VSTM2B: variants seen among roughly 807,000 people sequenced by gnomAD.
VSTM2B encodes V-set and transmembrane domain-containing protein 2B.
Under a neutral mutation model 24.0 loss-of-function variants are expected in VSTM2B, and 24 were observed. The observed-to-expected ratio is 1.00, with a 90% CI of 0.72 to 1.40. The LOEUF is 1.40. Ranked by LOEUF, VSTM2B falls within the 40% of genes most tolerant of loss-of-function variation. VSTM2B has a pLI of 0.00. For missense variants in VSTM2B, 399 were observed against 416.4 expected (o/e 0.96, Z 0.36); for synonymous variants, 226 against 194.4 (o/e 1.16, Z -1.35).
chr19:29,526,620 C>T lies in VSTM2B; in HGVS notation c.37C>T (p.Leu13=). ...QRNRLGALGY[L]PPLLLHALLL... ...GAACCGGCTCGGTGCCCTCGGATAC[C>T]TGCCGCCTCTGCTGCTGCATGCCCT... The change falls in exon 1 of 5, where the codon CTG becomes TTG. Residue 13 remains leucine, a synonymous_variant. Transcript: ENST00000335523. The surrounding 1 kb of genome is among the most constrained non-coding windows in gnomAD (Gnocchi z 4.1). 2 of 1,530,710 alleles carry T rather than the reference C, an allele frequency of 1.3e-6. No individual in the cohort carries two copies. Among genetic ancestry groups the T allele is most frequent in the African/African-American group, 1.4e-5 (1 of 72,428 alleles). The allele number at this position is 1,530,710 out of a possible 1,614,324, so 94.8% of individuals were successfully genotyped here. A position where few individuals can be genotyped will look rare whatever the true frequency, so the allele number is the denominator to read the frequency against.
intron 4 of VSTM2B, among the ~76,000 whole-genome samples, chr19:29,533,866 G>T (rs7250772): frequency 6.6e-6 from 1 of 152,062 alleles, no homozygotes; most frequent in Admixed American, 6.5e-5. Context: ...TGCTTTGCTC[G>T]GAACCACAGC....
At chr19:29,539,194 C>G (rs1969968485) in intron 4 of VSTM2B, among the ~76,000 whole-genome samples, 2 of 152,158 alleles carry the variant, frequency 1.3e-5, no homozygotes, top group Non-Finnish European at 2.9e-5. Context: ...GCAAATTAAA[C>G]CCCCAGGTTT....
At position 29,530,001 on chromosome 19, in the gene VSTM2B, C is replaced by A; in HGVS notation, c.480C>A (p.Ala160=). ...TCGCGCCGCCCAACATGCAGGCCGC[C>A]GAGGCCGTGTCCCACATCCAGAGCA... ...SRFAPPNMQA[A]EAVSHIQSSG... Residue 160 remains alanine (A), a synonymous_variant, in exon 4 of 5, where the codon GCC becomes GCA. Coordinates refer to ENST00000335523, the MANE Select transcript of VSTM2B (RefSeq NM_001146339.2). 1.3e-6 allele frequency: 2 copies of A among 1,541,174 alleles called. No individual in the cohort carries two copies. Among genetic ancestry groups the A allele is most frequent in the Non-Finnish European group, 1.7e-6 (2 of 1,146,234 alleles).
Position 29,526,448 on chromosome 19 carries a change from G to A in VSTM2B, c.-136G>A. 2.8e-6 allele frequency: 1 copy of A among 362,540 alleles called. No homozygotes were observed. The highest frequency in any genetic ancestry group is 4.4e-6 in the Non-Finnish European group (1 of 226,544). The allele number at this position is 362,540 out of a possible 1,614,324, so 22.5% of individuals were successfully genotyped here. A position where few individuals can be genotyped will look rare whatever the true frequency, so the allele number is the denominator to read the frequency against. ...GCGGGGCTGATTGGCGGCCGCCGGC[G>A]GCCAGGGGAGGGGGCGCCGCGCGGG... On this transcript the variant is annotated 5_prime_UTR_variant, in exon 1 of 5. Transcript: ENST00000335523. The surrounding 1 kb of genome is among the most constrained non-coding windows in gnomAD (Gnocchi z 4.1).
At chr19:29,558,428 C>CT (rs1970459246) in intron 4 of VSTM2B, among the ~76,000 whole-genome samples, 1 of 152,166 alleles carries the variant, frequency 6.6e-6, no homozygotes, top group South Asian at 2.1e-4. Flanking sequence ...CACTGCAGCA[C>CT]TATTCACAAT....
chr19:29,536,574 AC>A (rs1969895753), intron 4 of VSTM2B, among the ~76,000 whole-genome samples: 1 of 152,214 alleles, frequency 6.6e-6, no homozygotes, highest in Non-Finnish European at 1.5e-5. Flanking sequence ...CTGAGCACTT[AC>A]TGTGTGCCAC....
At chr19:29,533,634 A>G (rs1969814147) in intron 4 of VSTM2B, among the ~76,000 whole-genome samples, 1 of 152,218 alleles carries the variant, frequency 6.6e-6, no homozygotes, top group African/African-American at 2.4e-5. Flanking sequence ...ACATCCGAAC[A>G]GCCTTGATGC....
At chr19:29,536,678 G>A (rs1277110581) in intron 4 of VSTM2B, among the ~76,000 whole-genome samples, 1 of 152,076 alleles carries the variant, frequency 6.6e-6, no homozygotes, top group Non-Finnish European at 1.5e-5. Flanking sequence ...CTCTCTCTGT[G>A]CTTATAGCCA....
intron 4 of VSTM2B, among the ~76,000 whole-genome samples, chr19:29,553,735 T>C (rs1467697787): frequency 6.6e-6 from 1 of 152,164 alleles, no homozygotes; most frequent in Non-Finnish European, 1.5e-5. Flanking sequence ...CGAAATGACC[T>C]GATGGAGCTG....
chr19:29,539,927 C>A lies in VSTM2B; in HGVS notation c.769+9637C>A, dbSNP rs138002752. On this transcript the variant is annotated intron_variant, in intron 4 of 4. Transcript: ENST00000335523. ...TGCAGACTCCTGCTGGAGGCCCACC[C>A]ACCTGTAATCGTATAGCTCTAGAGA... Among the ~76,000 whole-genome samples the A allele has an allele frequency of 3.8e-4, 58 of 152,354 alleles. No individual in the cohort carries two copies. In the East Asian group the frequency reaches 8.9e-3, roughly 23 times the overall value.
intron 4 of VSTM2B, among the ~76,000 whole-genome samples, chr19:29,541,106 A>C (rs948410600): frequency 2.0e-5 from 3 of 152,214 alleles, no homozygotes; most frequent in African/African-American, 7.2e-5. Context: ...AGGGGAAATT[A>C]AGTCAAGGTT....
Position 29,556,225 on chromosome 19 carries a change from G to A in VSTM2B, c.770-7621G>A, listed in dbSNP as rs117777343. Among the ~76,000 whole-genome samples the A allele has an allele frequency of 2.4e-3, 364 of 152,168 alleles. 11 individuals are homozygous for A. In the East Asian group the frequency reaches 0.058, roughly 24 times the overall value. On this transcript the variant is annotated intron_variant, in intron 4 of 4. Transcript: ENST00000335523. Reference sequence around the variant, plus strand: ...CAAAAAGCTTATTCACCACAATCAAGTCAGCTTCAGTCCTGGGATGCACAA... The same window carrying A: ...CAAAAAGCTTATTCACCACAATCAAATCAGCTTCAGTCCTGGGATGCACAA...
intron 2 of VSTM2B, 116 bp from the exon 3 acceptor site, chr19:29,528,317 G>A (rs1414727557): frequency 7.7e-7 from 1 of 1,296,756 alleles, no homozygotes; most frequent in East Asian, 2.5e-5. Flanking sequence ...CCCATCCCCC[G>A]GGCGGTTTCG....
At chr19:29,551,728 A>G (rs1970288947) in intron 4 of VSTM2B, among the ~76,000 whole-genome samples, 1 of 152,222 alleles carries the variant, frequency 6.6e-6, no homozygotes, top group Admixed American at 6.5e-5. Flanking sequence ...TTTGCACCTT[A>G]ATCATGACAA....
intron 4 of VSTM2B, among the ~76,000 whole-genome samples, chr19:29,550,712 C>G (rs1037287057): frequency 1.3e-5 from 2 of 152,062 alleles, no homozygotes; most frequent in African/African-American, 4.8e-5. Context: ...CAGCGTCAGC[C>G]TATGAAATGA....
chr19:29,539,970 G>A (rs962061632), intron 4 of VSTM2B, among the ~76,000 whole-genome samples: 5 of 152,262 alleles, frequency 3.3e-5, no homozygotes, highest in Non-Finnish European at 7.3e-5. Flanking sequence ...CCTTCCCTCT[G>A]CTGACCCTGG....
chr19:29,560,477 G>C (rs958730191), intron 4 of VSTM2B, among the ~76,000 whole-genome samples: 2 of 152,116 alleles, frequency 1.3e-5, no homozygotes, highest in Non-Finnish European at 2.9e-5. Flanking sequence ...CACTTCTCTT[G>C]GTTCCCTCCC....
At chr19:29,532,327 G>A (rs1969778369) in intron 4 of VSTM2B, among the ~76,000 whole-genome samples, 2 of 152,292 alleles carry the variant, frequency 1.3e-5, no homozygotes, top group Admixed American at 1.3e-4. Context: ...TGTGGCGGCT[G>A]CTTTCGGGCC....
At chr19:29,563,078 T>C (rs1599915149) in intron 4 of VSTM2B, among the ~76,000 whole-genome samples, 1 of 151,702 alleles carries the variant, frequency 6.6e-6, no homozygotes, top group East Asian at 1.9e-4. Context: ...ACAGGGTGCG[T>C]GGGAGTGTGA....
Sources: allele counts gnomAD v4.1 joint callset (sites outside exome capture counted in the v4.1 genomes callset), GRCh38; gene constraint gnomAD v4.1.1; non-coding constraint Gnocchi (gnomAD v3.1); transcripts MANE v1.5; gene names NCBI Gene and HGNC (gene_info 2026-07-23, HGNC 2026-07-21).